CACNG3: variants seen among roughly 807,000 people sequenced by gnomAD.
CACNG3 encodes voltage-dependent calcium channel gamma-3 subunit.
In CACNG3, 3 loss-of-function variants were observed where a neutral mutation model predicts 28.5. That is an observed-to-expected ratio of 0.11 (90% CI 0.05 to 0.27). The LOEUF (loss-of-function observed/expected upper bound fraction) is 0.27. Among genes scored for constraint, CACNG3 ranks in the 10% least tolerant of loss-of-function variants. The probability of loss-of-function intolerance (pLI) is 1.00; values close to 1 mark genes in which losing one functional copy is unlikely to be tolerated. For missense variants in CACNG3, 236 were observed against 414.4 expected, an observed-to-expected ratio of 0.57 and a Z score of 3.74; for synonymous variants, 174 against 162.2, an observed-to-expected ratio of 1.07 and a Z score of -0.55.
At chr16:24,302,319 T>G (rs528881798) in intron 1 of CACNG3, among the ~76,000 whole-genome samples, 7 of 152,320 alleles carry the variant, frequency 4.6e-5, no homozygotes, top group Non-Finnish European at 1.0e-4. Flanking sequence ...AAAGCCTTGC[T>G]ACTCAAAGAG....
At chr16:24,325,529 G>C (rs1274113962) in intron 1 of CACNG3, among the ~76,000 whole-genome samples, 1 of 152,238 alleles carries the variant, frequency 6.6e-6, no homozygotes, top group Non-Finnish European at 1.5e-5. Flanking sequence ...GCATTGCTGA[G>C]CGCAAGCCCC....
intron 1 of CACNG3, among the ~76,000 whole-genome samples, chr16:24,287,722 A>G (rs1898913900): frequency 6.6e-6 from 1 of 152,088 alleles, no homozygotes; most frequent in South Asian, 2.1e-4. Context: ...GGACAGGTCA[A>G]TGTCTATGCC....
chr16:24,302,497 C>T (rs373924905), intron 1 of CACNG3, among the ~76,000 whole-genome samples: 1 of 151,928 alleles, frequency 6.6e-6, no homozygotes, highest in East Asian at 1.9e-4. Context: ...CTCTGTTGCC[C>T]ATGCTGGAGT....
In CACNG3 at chr16:24,295,328, C is replaced by T. The variant is rs143256901; in HGVS notation, c.211+38363C>T. ...ACCAAGGATGTCCCCTGTGTACCTA[C>T]TGGGACAGGGAAACCCCAATACATT... is the stretch of plus-strand genomic sequence containing the variant. On this transcript the variant is annotated intron_variant, in intron 1 of 3. Coordinates refer to ENST00000005284, the MANE Select transcript of CACNG3 (RefSeq NM_006539.4). Among the ~76,000 whole-genome samples the T allele has an allele frequency of 6.4e-4, 98 of 152,240 alleles. 1 individual carries two copies. Among genetic ancestry groups the T allele is most frequent in the African/African-American group, 2.3e-3 (95 of 41,556 alleles).
intron 1 of CACNG3, among the ~76,000 whole-genome samples, chr16:24,283,578 A>G (rs972582061): frequency 1.3e-5 from 2 of 152,226 alleles, no homozygotes. Flanking sequence ...ATTCTTACTT[A>G]GTGAATTTCA....
chr16:24,342,288 T>TA (rs1238590636), intron 1 of CACNG3, among the ~76,000 whole-genome samples: 15 of 152,028 alleles, frequency 9.9e-5, no homozygotes, highest in African/African-American at 7.2e-5. Context: ...AAAATAAAAA[T>TA]AAAATAAAAT....
rs1453579362 is a variant in CACNG3, at chr16:24,265,644, A to G, written c.211+8679A>G. ...CATTGCCTGCTTCTGGACAGCCCAT[A>G]GCTAAAAATATTTTGTACATTTTAA... On this transcript the variant is annotated intron_variant, in intron 1 of 3. Coordinates refer to ENST00000005284, the MANE Select transcript of CACNG3 (RefSeq NM_006539.4). Among the ~76,000 whole-genome samples, 3 of 152,216 alleles carry G rather than the reference A, an allele frequency of 2.0e-5. No homozygotes were observed. In the East Asian group the frequency reaches 5.8e-4, roughly 29 times the overall value.
chr16:24,356,308 C>T (rs1189932374), intron 3 of CACNG3, among the ~76,000 whole-genome samples: 27 of 152,072 alleles, frequency 1.8e-4, no homozygotes, highest in Admixed American at 1.8e-3. Context: ...GGCTTGCAAC[C>T]CCCCTGGATT....
chr16:24,269,864 T>G (rs936423566), intron 1 of CACNG3, among the ~76,000 whole-genome samples: 3 of 143,446 alleles, frequency 2.1e-5, no homozygotes, highest in African/African-American at 5.3e-5. Context: ...TCATTTGTTG[T>G]TTTTTTTTTT....
At chr16:24,273,897 T>C (rs1279963901) in intron 1 of CACNG3, among the ~76,000 whole-genome samples, 1 of 152,172 alleles carries the variant, frequency 6.6e-6, no homozygotes, top group Non-Finnish European at 1.5e-5. Context: ...ACACAAGCCC[T>C]GTATAGGAGG....
intron 1 of CACNG3, among the ~76,000 whole-genome samples, chr16:24,296,923 T>G (rs1899038937): frequency 6.6e-6 from 1 of 152,120 alleles, no homozygotes; most frequent in African/African-American, 2.4e-5. Context: ...CCACAAGCAA[T>G]GATCCTCAGT....
Position 24,320,279 on chromosome 16 carries a change from A to T in CACNG3, c.212-26455A>T, listed in dbSNP as rs141439091. 9.3e-4 allele frequency among the ~76,000 whole-genome samples: 141 copies of T among 152,294 alleles called. No homozygotes were observed. The Middle Eastern group carries it at 0.024, about 26-fold the overall frequency. The stretch of plus-strand genomic sequence containing the variant: ...CATGAGGGTTCATTTACCACAGATA[A>T]CTTAACACCCCCGGGCAGCACCCTG... On this transcript the variant is annotated intron_variant, in intron 1 of 3. Transcript: ENST00000005284.
chr16:24,358,106 G>C (rs1441249702), intron 3 of CACNG3, among the ~76,000 whole-genome samples: 1 of 151,292 alleles, frequency 6.6e-6, no homozygotes, highest in Non-Finnish European at 1.5e-5. Context: ...GCTGTTTTTT[G>C]CTCATCTACA....
intron 1 of CACNG3, among the ~76,000 whole-genome samples, chr16:24,289,536 G>A (rs1242029862): frequency 1.3e-5 from 2 of 152,164 alleles, no homozygotes; most frequent in East Asian, 1.9e-4. Flanking sequence ...GTTTTGATGA[G>A]CTTGTGGGTC....
chr16:24,273,485 T>C (rs913087801), intron 1 of CACNG3, among the ~76,000 whole-genome samples: 2 of 152,228 alleles, frequency 1.3e-5, no homozygotes, highest in Non-Finnish European at 2.9e-5. Flanking sequence ...TACCCATGCC[T>C]GTAGCTGTAT....
intron 2 of CACNG3, among the ~76,000 whole-genome samples, chr16:24,347,989 G>T (rs751139662): frequency 6.6e-6 from 1 of 152,180 alleles, no homozygotes; most frequent in African/African-American, 2.4e-5. Flanking sequence ...TCTTGCATGG[G>T]ATTAGCAATG....
At position 24,256,648 on chromosome 16, in the gene CACNG3, AT is replaced by A. The variant is rs1898463878; in HGVS notation, c.-102del. 2.6e-6 allele frequency: 2 copies of A among 760,032 alleles called. No individual in the cohort carries two copies. Among genetic ancestry groups the A allele is most frequent in the Non-Finnish European group, 4.7e-6 (2 of 428,680 alleles). 47.1% of individuals were successfully genotyped at this position (760,032 alleles called of 1,614,324 possible). On this transcript the variant is annotated 5_prime_UTR_variant, in exon 1 of 4. An upstream open reading frame in the 5' UTR gains an earlier in-frame stop. Coordinates refer to ENST00000005284, the MANE Select transcript of CACNG3 (RefSeq NM_006539.4). The surrounding 1 kb of genome is among the most constrained non-coding windows in gnomAD (Gnocchi z 4.6). ...TGGATGCTGACAAAAGGAGACCTGAATTTTTGGAAGAGCCTGTACTAGGTTA... is the reference window on the plus strand; with the variant it reads ...TGGATGCTGACAAAAGGAGACCTGAATTTTGGAAGAGCCTGTACTAGGTTA...
rs1567225413 is a variant in CACNG3 at position 24,351,702 on chromosome 16, A to AAG, written c.296-3129_296-3128dup. ...AGAAAGAAGGAAAGAAAGAAAGAGA[A>AAG]AGAAAGAAAGAAAGGAGGGAGGGAG... is the stretch of plus-strand genomic sequence containing the variant. On this transcript the variant is annotated intron_variant, in intron 2 of 3. Coordinates refer to ENST00000005284, the MANE Select transcript of CACNG3 (RefSeq NM_006539.4). Among the ~76,000 whole-genome samples the AAG allele has an allele frequency of 8.9e-3, 703 of 78,722 alleles. 15 individuals carry two copies. The South Asian group carries it at 0.16, about 18-fold the overall frequency. 51.6% of individuals were successfully genotyped at this position (78,722 alleles called of 152,430 possible).
intron 1 of CACNG3, among the ~76,000 whole-genome samples, chr16:24,276,453 AG>A (rs1667123483): frequency 6.6e-6 from 1 of 152,254 alleles, no homozygotes; most frequent in Admixed American, 6.5e-5. Flanking sequence ...CCTCTGCTAC[AG>A]CTGTATTTTA....
Sources: gnomAD v4.1 joint callset for allele counts (sites outside exome capture counted in the v4.1 genomes callset) on GRCh38, gnomAD v4.1.1 for gene constraint, Gnocchi (gnomAD v3.1) non-coding constraint, MANE v1.5 for transcripts, NCBI Gene and HGNC (gene_info 2026-07-23, HGNC 2026-07-21) for gene names.